The following PPP1CC variants were observed in gnomAD, a reference collection of about 807,000 sequenced individuals.
PPP1CC encodes the protein serine/threonine-protein phosphatase PP1-gamma catalytic subunit.
In PPP1CC, 16 loss-of-function variants were observed where a neutral mutation model predicts 38.4. That is an observed-to-expected ratio of 0.42 (90% CI 0.28 to 0.63). PPP1CC has a LOEUF of 0.63. Among genes scored for constraint, PPP1CC ranks in the 30% least tolerant of loss-of-function variants. PPP1CC has a pLI of 0.25. For synonymous variants in PPP1CC, 158 were observed against 136.0 expected (o/e 1.16, Z -1.13); for missense variants, 170 against 391.3 (o/e 0.43, Z 4.77).
Position 110,722,334 on chromosome 12 carries a change from G to T in PPP1CC, c.748-65C>A, listed in dbSNP as rs1439148359. On this transcript the variant is annotated intron_variant, in intron 5 of 6. Coordinates refer to ENST00000335007, the MANE Select transcript of PPP1CC (RefSeq NM_002710.4). This position sits in a 1 kb window ranked among gnomAD's most constrained non-coding sequence, Gnocchi z 5.4. ...ATTAGGTGAGTAAAACCATGTTTCA[G>T]TTTCCCATTGAGCCTGATATCTTGT... 8 of 1,584,474 alleles carry T rather than the reference G, an allele frequency of 5.0e-6. No homozygotes were observed. The highest frequency in any genetic ancestry group is 1.4e-5 in the African/African-American group (1 of 73,816).
Position 110,720,078 on chromosome 12 carries a change from A to G in PPP1CC, c.*998T>C, listed in dbSNP as rs2069720507. 9.6e-6 allele frequency: 14 copies of G among 1,461,260 alleles called. No homozygotes were observed. The East Asian group carries it at 3.4e-4, about 36-fold the overall frequency. The allele number at this position is 1,461,260 out of a possible 1,614,324, so 90.5% of individuals were successfully genotyped here. ...TAAGTTAGTTCCTTTGTTTTAACTT[A>G]TAAGCCTCAACTTCACCGCAGAATA... is the stretch of plus-strand genomic sequence containing the variant. On this transcript the variant is annotated 3_prime_UTR_variant, in exon 7 of 7. Coordinates refer to ENST00000335007, the MANE Select transcript of PPP1CC (RefSeq NM_002710.4).
At chr12:110,732,696 T>G (rs1333095489) in intron 1 of PPP1CC, 1 of 152,318 alleles carries the variant, frequency 6.6e-6, no homozygotes, top group Non-Finnish European at 1.5e-5. Context: ...CCTAATAATT[T>G]GAACAGATAA....
intron 4 of PPP1CC, among the ~76,000 whole-genome samples, chr12:110,723,252 CT>C (rs1216346094): frequency 6.6e-6 from 1 of 151,078 alleles, no homozygotes; most frequent in Admixed American, 6.6e-5. Context: ...ATTATGCAGG[CT>C]TTTTGATGGC....
At chr12:110,715,191 A>T (rs1316596641), downstream of PPP1CC, among the ~76,000 whole-genome samples, 6 of 152,120 alleles carry the variant, frequency 3.9e-5, no homozygotes, top group African/African-American at 1.5e-4. Context: ...GACATTTTAG[A>T]ATTGTTTCAA....
At chr12:110,712,793 T>C in the PPP1CC span, among the ~76,000 whole-genome samples, 225 of 151,546 alleles carry the variant, frequency 1.5e-3, 2 homozygotes, top group African/African-American at 5.1e-3. Flanking sequence ...AAAACCAGGC[T>C]GGGCGTGGTG....
downstream of PPP1CC, among the ~76,000 whole-genome samples, chr12:110,718,097 T>C (rs891206434): frequency 6.6e-6 from 1 of 152,184 alleles, no homozygotes; most frequent in Non-Finnish European, 1.5e-5. Flanking sequence ...TCAGTAATTT[T>C]TTCCTAGTCC....
At chr12:110,725,643 T>C (rs1013085823) in intron 3 of PPP1CC, 1 of 152,282 alleles carries the variant, frequency 6.6e-6, no homozygotes, top group Non-Finnish European at 1.5e-5. Context: ...AGGAAACTGA[T>C]GTTCTGAGTT....
In PPP1CC at chr12:110,719,736, G is replaced by A. The variant is rs896990436; in HGVS notation, c.*1340C>T. On this transcript the variant is annotated 3_prime_UTR_variant, in exon 7 of 7. Transcript: ENST00000335007. ...ATGTCTCCAGGTTACAACTCAAAGA[G>A]TATTAGTATCTGTATTATAATCCAT... 1.0e-4 allele frequency: 18 copies of A among 178,628 alleles called. No homozygotes were observed. The highest frequency in any genetic ancestry group is 6.5e-4 in the South Asian group (5 of 7,710). 11.1% of individuals were successfully genotyped at this position (178,628 alleles called of 1,614,324 possible).
chr12:110,725,032 T>C (rs2069780976), intron 3 of PPP1CC: 1 of 253,162 alleles, frequency 4.0e-6, no homozygotes, highest in African/African-American at 2.3e-5. Context: ...AAGACCATCT[T>C]GGGCAACATA....
Position 110,731,786 on chromosome 12 carries a change from T to A in PPP1CC, c.171A>T (p.Ala57=). 2 of 1,609,286 alleles carry A rather than the reference T, an allele frequency of 1.2e-6. No homozygotes were observed. The highest frequency in any genetic ancestry group is 1.7e-6 in the Non-Finnish European group (2 of 1,176,088). Residue 57 remains alanine, a synonymous_variant, in exon 2 of 7, where the codon GCA becomes GCT. Transcript: ENST00000335007. Reference sequence around the variant, plus strand: ...CAAACTTACCACATATTTTGAGTGGTGCTTCAAGTTCTAGTAGGATAGGCT... The same window carrying A: ...CAAACTTACCACATATTTTGAGTGGAGCTTCAAGTTCTAGTAGGATAGGCT... ...LSQPILLELE[A]PLKICGDIHG... is the part of the protein sequence containing the mutation.
chr12:110,729,884 TA>T (rs1210377025), intron 3 of PPP1CC, among the ~76,000 whole-genome samples: 2 of 152,186 alleles, frequency 1.3e-5, no homozygotes, highest in East Asian at 3.8e-4. Context: ...TAAAGTTGCT[TA>T]AAAAAACTAT....
At chr12:110,718,508 TA>T (rs371275121), downstream of PPP1CC, among the ~76,000 whole-genome samples, 73 of 152,318 alleles carry the variant, frequency 4.8e-4, no homozygotes, top group South Asian at 0.015. Flanking sequence ...CAGACATACT[TA>T]GCTATCCATG....
chr12:110,719,507 T>A (rs780109333), downstream of PPP1CC, among the ~76,000 whole-genome samples: 10 of 152,210 alleles, frequency 6.6e-5, no homozygotes, highest in African/African-American at 9.7e-5. Context: ...GTGTTCCATA[T>A]AAACCAGGGA....
At position 110,731,910 on chromosome 12, in the gene PPP1CC, G is replaced by A; in HGVS notation, c.56-9C>T. On this transcript the variant is annotated splice_polypyrimidine_tract_variant and intron_variant, in intron 1 of 6. Coordinates refer to ENST00000335007, the MANE Select transcript of PPP1CC (RefSeq NM_002710.4). ...AGGCTTGGACCCTCTCACTGCAAGAGAAAAATCGCAATTAGTCCAATGAAG... is the reference window on the plus strand; with the variant it reads ...AGGCTTGGACCCTCTCACTGCAAGAAAAAAATCGCAATTAGTCCAATGAAG... The A allele has an allele frequency of 6.2e-7, 1 of 1,608,288 alleles. No individual in the cohort carries two copies. The highest frequency in any genetic ancestry group is 8.5e-7 in the Non-Finnish European group (1 of 1,175,746).
In PPP1CC at chr12:110,742,840, T is replaced by C. The variant is rs879393511; in HGVS notation, c.-133A>G. The C allele has an allele frequency of 1.5e-4, 86 of 565,658 alleles. No homozygotes were observed. The highest frequency in any genetic ancestry group is 2.2e-4 in the Non-Finnish European group (82 of 364,564). The allele number at this position is 565,658 out of a possible 1,614,324, so 35.0% of individuals were successfully genotyped here. ...CAGCAGCCGCGGCGGGTCCCCCCCCTGCCACCCCGCTCCCTACTTCCTCCT... is the reference window on the plus strand; with the variant it reads ...CAGCAGCCGCGGCGGGTCCCCCCCCCGCCACCCCGCTCCCTACTTCCTCCT... On this transcript the variant is annotated 5_prime_UTR_variant, in exon 1 of 7. Coordinates refer to ENST00000335007, the MANE Select transcript of PPP1CC (RefSeq NM_002710.4).
At chr12:110,735,563 C>A (rs1025655874) in intron 1 of PPP1CC, among the ~76,000 whole-genome samples, 1 of 151,918 alleles carries the variant, frequency 6.6e-6, no homozygotes, top group Admixed American at 6.6e-5. Flanking sequence ...GGGTGGATGA[C>A]CTGAGGTTAG....
chr12:110,715,134 T>TGCTA (rs897743303), downstream of PPP1CC, among the ~76,000 whole-genome samples: 3 of 151,816 alleles, frequency 2.0e-5, no homozygotes, highest in Admixed American at 2.0e-4. Flanking sequence ...TTTGATACTG[T>TGCTA]GCTAATTGGG....
the PPP1CC span, among the ~76,000 whole-genome samples, chr12:110,710,958 T>G: frequency 1.3e-5 from 2 of 151,800 alleles, no homozygotes; most frequent in Non-Finnish European, 2.9e-5. Context: ...GGTGGATCAC[T>G]TGAAGCCAGG....
At chr12:110,712,842 C>T in the PPP1CC span, among the ~76,000 whole-genome samples, 15 of 150,850 alleles carry the variant, frequency 9.9e-5, no homozygotes, top group Admixed American at 9.3e-4. Context: ...GAGGGCAAGG[C>T]GGGTGGAACA....
Sources: allele counts gnomAD v4.1 joint callset (sites outside exome capture counted in the v4.1 genomes callset), GRCh38; gene constraint gnomAD v4.1.1; non-coding constraint Gnocchi (gnomAD v3.1); transcripts MANE v1.5; gene names NCBI Gene and HGNC (gene_info 2026-07-23, HGNC 2026-07-21).